The following CTNNA2 variants were observed in gnomAD, a reference collection of about 807,000 sequenced individuals.
The protein encoded by CTNNA2 is catenin alpha 2.
CTNNA2 carries 42 observed loss-of-function variants against 101.0 expected under a neutral mutation model. The ratio of observed to expected loss-of-function variants is 0.42; its 90% CI spans 0.32 to 0.54. The LOEUF is 0.54. CTNNA2 is among the 20% of genes least tolerant of loss of function. CTNNA2 has a pLI of 0.14. For missense variants in CTNNA2, 871 were observed against 1,223.1 expected (o/e 0.71, Z 4.29); for synonymous variants, 450 against 456.4 (o/e 0.99, Z 0.18).
intron 7 of CTNNA2, among the ~76,000 whole-genome samples, chr2:80,185,579 A>T (rs1231430495): frequency 1.3e-5 from 2 of 152,204 alleles, no homozygotes; most frequent in East Asian, 3.8e-4. Context: ...TTATCACAGG[A>T]CCTTTCAGAG....
At position 79,271,919 on chromosome 2, in the gene CTNNA2, C is replaced by T. The variant is rs145287080; in HGVS notation, c.-405-40790C>T. 4.0e-3 allele frequency among the ~76,000 whole-genome samples: 610 copies of T among 152,136 alleles called. 4 individuals carry two copies. Among genetic ancestry groups the T allele is most frequent in the African/African-American group, 0.014 (582 of 41,550 alleles). On this transcript the variant is annotated intron_variant, in intron 2 of 21. Coordinates refer to the CTNNA2 transcript ENST00000466387. ...GAAAGCTTTTCCATGGAGCCCTTAT[C>T]GGCCTAGATCATATTCTATGCCATA... is the stretch of plus-strand genomic sequence containing the variant.
intron 9 of CTNNA2, among the ~76,000 whole-genome samples, chr2:80,483,325 G>T (rs915152900): frequency 6.7e-6 from 1 of 149,686 alleles, no homozygotes; most frequent in Non-Finnish European, 1.5e-5. Context: ...TTAATCAGAT[G>T]ATTTGCAGTC....
At chr2:79,873,284 G>A (rs779506300) in intron 5 of CTNNA2, among the ~76,000 whole-genome samples, 2 of 152,024 alleles carry the variant, frequency 1.3e-5, no homozygotes, top group Non-Finnish European at 2.9e-5. Context: ...TTACCTTCTT[G>A]GTGGCTTGGT....
At chr2:79,896,817 C>T (rs575562486) in intron 6 of CTNNA2, among the ~76,000 whole-genome samples, 95 of 152,284 alleles carry the variant, frequency 6.2e-4, no homozygotes, top group African/African-American at 2.1e-3. Flanking sequence ...GATCCACATA[C>T]GCTGCCAAGA....
chr2:79,769,373 T>C (rs1673412518), intron 3 of CTNNA2, among the ~76,000 whole-genome samples: 1 of 152,190 alleles, frequency 6.6e-6, no homozygotes, highest in African/African-American at 2.4e-5. Flanking sequence ...GAGACTGAAG[T>C]GTTAAAGCTG....
Position 80,303,261 on chromosome 2 carries a change from G to A in CTNNA2, c.1057-89950G>A. On this transcript the variant is annotated intron_variant, in intron 7 of 18. Transcript: ENST00000402739. The surrounding 1 kb of genome is among the most constrained non-coding windows in gnomAD (Gnocchi z 7.7). ...TTGTATCCGATGTCGAGAAACTTGA[G>A]GCTGCGGCAGTCCTGGAAGATGCGC... 6.2e-7 allele frequency: 1 copy of A among 1,613,642 alleles called. No individual in the cohort carries two copies. The highest frequency in any genetic ancestry group is 8.5e-7 in the Non-Finnish European group (1 of 1,180,010).
At chr2:80,033,482 G>A (rs189820848) in intron 7 of CTNNA2, among the ~76,000 whole-genome samples, 12 of 152,206 alleles carry the variant, frequency 7.9e-5, no homozygotes, top group African/African-American at 1.4e-4. Flanking sequence ...CTGTGAGGTG[G>A]GAGGATCAAT....
chr2:79,563,767 A>G (rs533032861), intron 1 of CTNNA2, among the ~76,000 whole-genome samples: 1 of 152,194 alleles, frequency 6.6e-6, no homozygotes, highest in East Asian at 1.9e-4. Flanking sequence ...GAACTTACCA[A>G]GTATACTAGT....
At chr2:79,492,093 T>G (rs370099323) in intron 4 of CTNNA2, among the ~76,000 whole-genome samples, 39 of 152,294 alleles carry the variant, frequency 2.6e-4, no homozygotes, top group Middle Eastern at 3.4e-3. Flanking sequence ...TATTTTGTGC[T>G]TAAATAGTAC....
intron 3 of CTNNA2, among the ~76,000 whole-genome samples, chr2:79,360,806 T>G (rs899170807): frequency 6.6e-6 from 1 of 152,192 alleles, no homozygotes; most frequent in Non-Finnish European, 1.5e-5. Flanking sequence ...TCTCTGGATA[T>G]TCAGAGAGAC....
At chr2:79,294,241 G>GAAGAA (rs397973299) in intron 2 of CTNNA2, among the ~76,000 whole-genome samples, 3,265 of 133,138 alleles carry the variant, frequency 0.025, 57 homozygotes, top group African/African-American at 0.052. Context: ...AAGAAGAAGA[G>GAAGAA]GAGGAGGAGG....
At chr2:79,996,220 C>T (rs2103929262) in intron 7 of CTNNA2, among the ~76,000 whole-genome samples, 1 of 152,198 alleles carries the variant, frequency 6.6e-6, no homozygotes, top group African/African-American at 2.4e-5. Flanking sequence ...GTGTGAGTAC[C>T]ACATAAAATC....
At chr2:80,554,687 C>T (rs72622683) in intron 11 of CTNNA2, among the ~76,000 whole-genome samples, 7,700 of 152,218 alleles carry the variant, frequency 0.051, 509 homozygotes, top group African/African-American at 0.14. Context: ...CCTCTTAATA[C>T]TACCCCTTTG....
intron 1 of CTNNA2, among the ~76,000 whole-genome samples, chr2:79,557,543 T>C (rs1191619930): frequency 6.6e-6 from 1 of 151,968 alleles, no homozygotes; most frequent in East Asian, 1.9e-4. Context: ...TGGTTTCATT[T>C]CCATTCTGTT....
chr2:79,436,774 G>A (rs1228369836), intron 4 of CTNNA2, among the ~76,000 whole-genome samples: 1 of 151,968 alleles, frequency 6.6e-6, no homozygotes, highest in East Asian at 2.0e-4. Flanking sequence ...TGGGACTACA[G>A]GCACCCGCCA....
Position 80,369,880 on chromosome 2 carries a change from C to T in CTNNA2, c.1057-23331C>T, listed in dbSNP as rs189490783. 5.3e-5 allele frequency among the ~76,000 whole-genome samples: 8 copies of T among 152,268 alleles called. No homozygotes were observed. The East Asian group carries it at 1.5e-3, about 29-fold the overall frequency. ...AAAAGGCACGGAAACAGATTCTCTT[C>T]TAGCACCTCCAGAAAGGAGTGTATG... On this transcript the variant is annotated intron_variant, in intron 7 of 18. Coordinates refer to ENST00000402739, the MANE Select transcript of CTNNA2 (RefSeq NM_001282597.3).
intron 7 of CTNNA2, among the ~76,000 whole-genome samples, chr2:80,242,628 A>G (rs1671026791): frequency 6.6e-6 from 1 of 152,316 alleles, no homozygotes; most frequent in East Asian, 1.9e-4. Context: ...GCGCTGCAGC[A>G]GGAAACGTTT....
chr2:79,698,153 C>T (rs1684763551), intron 2 of CTNNA2, among the ~76,000 whole-genome samples: 1 of 151,920 alleles, frequency 6.6e-6, no homozygotes, highest in African/African-American at 2.4e-5. Context: ...TTAAGCACTA[C>T]TTTTTTTACA....
intron 7 of CTNNA2, among the ~76,000 whole-genome samples, chr2:80,036,084 C>A (rs538095776): frequency 1.3e-5 from 2 of 152,324 alleles, no homozygotes; most frequent in South Asian, 2.1e-4. Context: ...TGGGGCCCCT[C>A]CTACCCCCAC....
Sources: allele counts gnomAD v4.1 joint callset (sites outside exome capture counted in the v4.1 genomes callset), GRCh38; gene constraint gnomAD v4.1.1; non-coding constraint Gnocchi (gnomAD v3.1); transcripts MANE v1.5; gene names NCBI Gene and HGNC (gene_info 2026-07-23, HGNC 2026-07-21).